Variants in SEMA5B observed in about 807,000 individuals in gnomAD.
SEMA5B encodes the protein semaphorin 5B.
A neutral mutation model predicts 135.0 loss-of-function variants in SEMA5B; 66 were observed. The ratio of observed to expected loss-of-function variants is 0.49; its 90% confidence interval spans 0.40 to 0.60. The LOEUF is 0.60. SEMA5B is among the 20% of genes least tolerant of loss of function. The pLI is 0.00. For synonymous variants in SEMA5B, 690 were observed against 639.5 expected (o/e 1.08, Z -1.19); for missense variants, 1,501 against 1,566.3 (o/e 0.96, Z 0.70).
At chr3:122,989,191 G>A (rs1941793657) in intron 1 of SEMA5B, among the ~76,000 whole-genome samples, 6 of 152,192 alleles carry the variant, frequency 3.9e-5, no homozygotes, top group Admixed American at 1.3e-4. Flanking sequence ...CTAAACTTAT[G>A]AGAAGCTCCT....
At chr3:122,939,569 G>T in intron 4 of SEMA5B, 99 bp from the exon 5 acceptor site, 3 of 862,812 alleles carry the variant, frequency 3.5e-6, no homozygotes, top group South Asian at 1.4e-5. Context: ...GCCAGGACTG[G>T]GTGCTGATTG....
At chr3:122,925,606 G>A (rs71330977) in intron 9 of SEMA5B, among the ~76,000 whole-genome samples, 10,814 of 152,026 alleles carry the variant, frequency 0.071, 426 homozygotes, top group Non-Finnish European at 0.083. Context: ...GGAGGCAGAG[G>A]TTGCAGTGAG....
At chr3:122,935,327 G>A (rs952948245) in intron 5 of SEMA5B, among the ~76,000 whole-genome samples, 1 of 152,124 alleles carries the variant, frequency 6.6e-6, no homozygotes, top group Non-Finnish European at 1.5e-5. Flanking sequence ...GGGGAGCAGG[G>A]GGTGGGAGGA....
intron 14 of SEMA5B, among the ~76,000 whole-genome samples, chr3:122,914,971 A>G (rs1937988476): frequency 6.6e-6 from 1 of 151,680 alleles, no homozygotes. Flanking sequence ...AGCTCTGTAT[A>G]TACCTTATCT....
In SEMA5B at chr3:122,964,838, G is replaced by A. The variant is rs1940750097; in HGVS notation, c.-38-3537C>T. Among the ~76,000 whole-genome samples, 7 of 152,226 alleles carry A rather than the reference G, an allele frequency of 4.6e-5. No homozygotes were observed. The South Asian group carries it at 1.4e-3, about 31-fold the overall frequency. On this transcript the variant is annotated intron_variant, in intron 1 of 22. Transcript: ENST00000357599. Reference sequence around the variant, plus strand: ...GGCTGCTGCCACTCAGGGTGACAGAGCCATTAATTAACAGAGTTAAACATC... The same window carrying A: ...GGCTGCTGCCACTCAGGGTGACAGAACCATTAATTAACAGAGTTAAACATC...
intron 1 of SEMA5B, among the ~76,000 whole-genome samples, chr3:122,973,399 C>A (rs1941197817): frequency 6.6e-6 from 1 of 152,182 alleles, no homozygotes; most frequent in South Asian, 2.1e-4. Context: ...CCTCAAACCC[C>A]CACCCCAAGA....
intron 12 of SEMA5B, among the ~76,000 whole-genome samples, chr3:122,921,095 G>A (rs1026225120): frequency 6.6e-6 from 1 of 152,140 alleles, no homozygotes; most frequent in Non-Finnish European, 1.5e-5. Flanking sequence ...GAACAGCCCT[G>A]TATCATGGAT....
chr3:123,025,187 T>C (rs1942770538), intron 1 of SEMA5B, among the ~76,000 whole-genome samples: 1 of 152,186 alleles, frequency 6.6e-6, no homozygotes, highest in South Asian at 2.1e-4. Flanking sequence ...AGGAACTTTT[T>C]CCCCTCCCTA....
chr3:122,925,702 GA>G (rs1458479106), intron 9 of SEMA5B, among the ~76,000 whole-genome samples: 1 of 151,804 alleles, frequency 6.6e-6, no homozygotes, highest in Non-Finnish European at 1.5e-5. Context: ...AAAAGAAAAA[GA>G]AAAAAAGTAT....
chr3:122,914,824 T>C (rs1281475034), intron 14 of SEMA5B, among the ~76,000 whole-genome samples: 1 of 152,102 alleles, frequency 6.6e-6, no homozygotes, highest in Non-Finnish European at 1.5e-5. Context: ...TAGTCTCAGC[T>C]AATCAGGAGG....
intron 1 of SEMA5B, among the ~76,000 whole-genome samples, chr3:123,007,664 C>G (rs2107781683): frequency 6.6e-6 from 1 of 152,282 alleles, no homozygotes; most frequent in East Asian, 1.9e-4. Flanking sequence ...ATGCTTAGCT[C>G]CTTTGCCATG....
At chr3:122,915,308 A>G (rs1938006225) in intron 14 of SEMA5B, 132 bp downstream of exon 14, 2 of 813,922 alleles carry the variant, frequency 2.5e-6, no homozygotes, top group Non-Finnish European at 3.8e-6. Flanking sequence ...TTAGCCACCT[A>G]TCCAGTCCCT....
intron 1 of SEMA5B, among the ~76,000 whole-genome samples, chr3:123,004,463 A>G (rs1271253341): frequency 6.6e-6 from 1 of 152,264 alleles, no homozygotes; most frequent in Non-Finnish European, 1.5e-5. Context: ...TGGGACACCA[A>G]GAAAAGGTTA....
chr3:122,943,620 G>T, intron 3 of SEMA5B, 85 bp from the exon 4 acceptor site: 1 of 1,014,666 alleles, frequency 9.9e-7, no homozygotes, highest in Non-Finnish European at 1.5e-6. Flanking sequence ...ACAGAAGGGT[G>T]AAAGTCAGGG....
chr3:123,007,718 CA>C (rs1276906666), intron 1 of SEMA5B, among the ~76,000 whole-genome samples: 1 of 152,136 alleles, frequency 6.6e-6, no homozygotes, highest in Non-Finnish European at 1.5e-5. Context: ...TTCCCAACAG[CA>C]AAAAGGCCCT....
chr3:122,977,454 T>C (rs1941368906), intron 1 of SEMA5B, among the ~76,000 whole-genome samples: 1 of 152,234 alleles, frequency 6.6e-6, no homozygotes, highest in Non-Finnish European at 1.5e-5. Flanking sequence ...TTGGACAACC[T>C]ATATTTTTAC....
chr3:122,963,866 G>A (rs981892846), intron 1 of SEMA5B, among the ~76,000 whole-genome samples: 1 of 152,082 alleles, frequency 6.6e-6, no homozygotes, highest in Non-Finnish European at 1.5e-5. Flanking sequence ...TTTCTTTCTG[G>A]TTCTTTCTCC....
At chr3:123,015,577 C>T (rs1942537762) in intron 1 of SEMA5B, among the ~76,000 whole-genome samples, 1 of 152,158 alleles carries the variant, frequency 6.6e-6, no homozygotes, top group Admixed American at 6.5e-5. Flanking sequence ...GTGGCAGGCT[C>T]ATCAACTTCC....
chr3:122,939,558 C>G, intron 4 of SEMA5B, 88 bp from the exon 5 acceptor site: 5 of 984,452 alleles, frequency 5.1e-6, no homozygotes, highest in Non-Finnish European at 8.2e-6. Context: ...CCTCCTGGGA[C>G]GCCAGGACTG....
Sources: gnomAD v4.1 joint callset for allele counts (sites outside exome capture counted in the v4.1 genomes callset) on GRCh38, gnomAD v4.1.1 for gene constraint, MANE v1.5 for transcripts, NCBI Gene and HGNC (gene_info 2026-07-23, HGNC 2026-07-21) for gene names.